Variants in OVOL2 observed in about 807,000 individuals in gnomAD.
OVOL2 encodes transcription factor Ovo-like 2.
OVOL2 carries 13 observed loss-of-function variants against 18.1 expected under a neutral mutation model. The ratio of observed to expected loss-of-function variants is 0.72; its 90% CI spans 0.47 to 1.14. OVOL2 has a LOEUF of 1.14. OVOL2 is among the 50% of genes most tolerant of loss of function. The pLI is 0.00. For missense variants in OVOL2, 335 were observed against 383.0 expected, an observed-to-expected ratio of 0.87 and a Z score of 1.05; for synonymous variants, 166 against 162.7, an observed-to-expected ratio of 1.02 and a Z score of -0.16.
Position 18,057,419 on chromosome 20 carries a change from C to T in OVOL2, c.100+116G>A. The T allele has an allele frequency of 8.0e-7, 1 of 1,249,626 alleles. No homozygotes were observed. Among genetic ancestry groups the T allele is most frequent in the Non-Finnish European group, 1.1e-6 (1 of 906,756 alleles). The allele number at this position is 1,249,626 out of a possible 1,614,324, so 77.4% of individuals were successfully genotyped here. ...CGCCTAGAAGACCCCCGCGTGCCCC[C>T]CGGAAGAGGGGGATGAGGTGGGGAG... is the stretch of plus-strand genomic sequence containing the variant. On this transcript the variant is annotated intron_variant, in intron 1 of 3. Coordinates refer to ENST00000278780, the MANE Select transcript of OVOL2 (RefSeq NM_021220.4). The surrounding 1 kb of genome is among the most constrained non-coding windows in gnomAD (Gnocchi z 6.3).
At chr20:18,041,940 T>G (rs1450224383) in intron 2 of OVOL2, among the ~76,000 whole-genome samples, 1 of 92,782 alleles carries the variant, frequency 1.1e-5, no homozygotes, top group African/African-American at 6.5e-5. Context: ...GATGGAGTCT[T>G]ACTTTTTTTG....
intron 3 of OVOL2, among the ~76,000 whole-genome samples, chr20:18,040,435 T>C (rs1347182178): frequency 2.6e-5 from 4 of 152,186 alleles, no homozygotes; most frequent in Admixed American, 2.6e-4. Context: ...GGGACCCACA[T>C]TGTAAAGGCC....
rs557922937 is a variant in OVOL2, at chr20:18,024,267, A to G, written c.*369T>C. The G allele has an allele frequency of 5.0e-4, 92 of 184,050 alleles. No homozygotes were observed. The highest frequency in any genetic ancestry group is 6.0e-4 in the Non-Finnish European group (52 of 87,376). 11.4% of individuals were successfully genotyped at this position (184,050 alleles called of 1,614,324 possible). ...CTTGCCTTGCTTAAACAGCATTTCA[A>G]GTAGAAGTATTTTTATTTCAAGGCA... is the stretch of plus-strand genomic sequence containing the variant. On this transcript the variant is annotated 3_prime_UTR_variant, in exon 4 of 4. Transcript: ENST00000278780.
In OVOL2 at chr20:18,057,075, C is replaced by T. The variant is rs1483728473; in HGVS notation, c.101-198G>A. On this transcript the variant is annotated intron_variant, in intron 1 of 3. Coordinates refer to ENST00000278780, the MANE Select transcript of OVOL2 (RefSeq NM_021220.4). The surrounding 1 kb of genome is among the most constrained non-coding windows in gnomAD (Gnocchi z 6.3). ...GCTTGGGGTGCTCGGAGCCTCTTTC[C>T]GGTCCCAGCCAAGGCGCCCACGAGG... 1.3e-5 allele frequency among the ~76,000 whole-genome samples: 2 copies of T among 152,182 alleles called. No individual in the cohort carries two copies. Among genetic ancestry groups the T allele is most frequent in the Admixed American group, 6.5e-5 (1 of 15,290 alleles).
intron 3 of OVOL2, among the ~76,000 whole-genome samples, chr20:18,026,022 C>T (rs1046890968): frequency 6.6e-6 from 1 of 152,224 alleles, no homozygotes; most frequent in Non-Finnish European, 1.5e-5. Context: ...GCATTTGTGG[C>T]AGTTATGAAA....
intron 3 of OVOL2, among the ~76,000 whole-genome samples, chr20:18,037,798 A>G (rs2036630720): frequency 6.6e-6 from 1 of 152,142 alleles, no homozygotes; most frequent in Non-Finnish European, 1.5e-5. Context: ...GCCCGTAGTG[A>G]TAACCCACTC....
intron 3 of OVOL2, among the ~76,000 whole-genome samples, chr20:18,030,761 C>G (rs2036561462): frequency 6.6e-6 from 1 of 152,226 alleles, no homozygotes; most frequent in Non-Finnish European, 1.5e-5. Context: ...CCAGAAAGCT[C>G]CAGTTATGGC....
chr20:18,034,492 A>G (rs553858686), intron 3 of OVOL2, among the ~76,000 whole-genome samples: 2 of 152,172 alleles, frequency 1.3e-5, no homozygotes, highest in South Asian at 2.1e-4. Context: ...CCGCTTCCAA[A>G]CCCCACCTAA....
chr20:18,043,341 G>T (rs1185090441), intron 2 of OVOL2, among the ~76,000 whole-genome samples: 3 of 152,168 alleles, frequency 2.0e-5, no homozygotes, highest in African/African-American at 7.2e-5. Flanking sequence ...TCAACAGAAT[G>T]CAATGAAGAT....
chr20:18,028,178 T>C (rs1270267213), intron 3 of OVOL2, among the ~76,000 whole-genome samples: 1 of 151,980 alleles, frequency 6.6e-6, no homozygotes, highest in East Asian at 1.9e-4. Flanking sequence ...TAATATTTTA[T>C]TTTATTTTAT....
At chr20:18,032,213 G>GA (rs1472181478) in intron 3 of OVOL2, among the ~76,000 whole-genome samples, 3 of 151,114 alleles carry the variant, frequency 2.0e-5, no homozygotes, top group African/African-American at 7.3e-5. Flanking sequence ...AAGAAGGAAG[G>GA]AAAGAAGAAA....
chr20:18,035,812 T>C (rs753264625), intron 3 of OVOL2, among the ~76,000 whole-genome samples: 6 of 152,216 alleles, frequency 3.9e-5, no homozygotes, highest in African/African-American at 7.2e-5. Context: ...AAAATGATGA[T>C]TAAAATTTTT....
At chr20:18,032,815 T>C (rs2036583658) in intron 3 of OVOL2, among the ~76,000 whole-genome samples, 1 of 152,052 alleles carries the variant, frequency 6.6e-6, no homozygotes, top group Non-Finnish European at 1.5e-5. Flanking sequence ...CTCCAAGATA[T>C]ATATTATGTG....
At chr20:18,053,403 T>A (rs765808224) in intron 2 of OVOL2, among the ~76,000 whole-genome samples, 1 of 152,004 alleles carries the variant, frequency 6.6e-6, no homozygotes, top group Admixed American at 6.6e-5. Flanking sequence ...ACACAGCCGT[T>A]AAGAGGGACC....
chr20:18,035,371 C>T (rs2036607266), intron 3 of OVOL2, among the ~76,000 whole-genome samples: 1 of 152,198 alleles, frequency 6.6e-6, no homozygotes, highest in South Asian at 2.1e-4. Context: ...GCAAGAGAAT[C>T]GCTGGAACCC....
chr20:18,031,346 T>C (rs1019077723), intron 3 of OVOL2, among the ~76,000 whole-genome samples: 2 of 152,178 alleles, frequency 1.3e-5, no homozygotes, highest in Non-Finnish European at 2.9e-5. Flanking sequence ...ATAATGCAGA[T>C]AAGCCTCATT....
At chr20:18,044,448 C>T (rs2122714056) in intron 2 of OVOL2, among the ~76,000 whole-genome samples, 1 of 152,300 alleles carries the variant, frequency 6.6e-6, no homozygotes, top group South Asian at 2.1e-4. Context: ...CAGCTGGGAG[C>T]AGGTGGCAGG....
chr20:18,055,692 C>T (rs897465879), intron 2 of OVOL2, among the ~76,000 whole-genome samples: 4 of 152,152 alleles, frequency 2.6e-5, no homozygotes, highest in Non-Finnish European at 5.9e-5. Context: ...GCTCTCCCTC[C>T]CCACCGCCCT....
At chr20:18,033,002 G>C (rs909598026) in intron 3 of OVOL2, among the ~76,000 whole-genome samples, 1 of 151,970 alleles carries the variant, frequency 6.6e-6, no homozygotes, top group Non-Finnish European at 1.5e-5. Context: ...ACAATGAAGC[G>C]AGGGTTTGTT....
Sources: allele counts gnomAD v4.1 joint callset (sites outside exome capture counted in the v4.1 genomes callset), GRCh38; gene constraint gnomAD v4.1.1; non-coding constraint Gnocchi (gnomAD v3.1); transcripts MANE v1.5; gene names NCBI Gene and HGNC (gene_info 2026-07-23, HGNC 2026-07-21).